RALGAPA2: variants seen among roughly 807,000 people sequenced by gnomAD.
The protein encoded by RALGAPA2 is ral GTPase-activating protein subunit alpha-2.
Under a neutral mutation model 230.4 loss-of-function variants are expected in RALGAPA2, and 139 were observed. That is an observed-to-expected ratio of 0.60 (90% confidence interval 0.53 to 0.69). The LOEUF is 0.69. RALGAPA2 is among the 30% of genes least tolerant of loss of function. The pLI is 0.00. For missense variants in RALGAPA2, 2,163 were observed against 2,276.0 expected (o/e 0.95, Z 1.01); for synonymous variants, 847 against 837.8 (o/e 1.01, Z -0.19).
At chr20:20,458,706 A>T (rs1365346536) in intron 37 of RALGAPA2, among the ~76,000 whole-genome samples, 2 of 134,654 alleles carry the variant, frequency 1.5e-5, no homozygotes, top group East Asian at 4.3e-4. Context: ...ATATATACAC[A>T]CACACACCTA....
rs1454657949 is a variant in RALGAPA2, at chr20:20,553,226, C to T, written c.3157-6394G>A. On this transcript the variant is annotated intron_variant, in intron 23 of 39. Transcript: ENST00000202677. Reference sequence around the variant, plus strand: ...GAAAGCCAGGAGAAATATTACAGGACAGAGTAATTGGGTTCTGCACCTGGA... The same window carrying T: ...GAAAGCCAGGAGAAATATTACAGGATAGAGTAATTGGGTTCTGCACCTGGA... Among the ~76,000 whole-genome samples the T allele has an allele frequency of 2.0e-5, 3 of 152,088 alleles. No homozygotes were observed. In the East Asian group the frequency reaches 5.8e-4, roughly 29 times the overall value.
intron 30 of RALGAPA2, among the ~76,000 whole-genome samples, chr20:20,522,865 G>C (rs1021155606): frequency 6.6e-6 from 1 of 152,242 alleles, no homozygotes; most frequent in Non-Finnish European, 1.5e-5. Flanking sequence ...TTACAAAAGT[G>C]ATTGTGGCTA....
intron 31 of RALGAPA2, among the ~76,000 whole-genome samples, chr20:20,518,847 A>G (rs767310673): frequency 2.0e-5 from 3 of 152,236 alleles, no homozygotes; most frequent in Non-Finnish European, 4.4e-5. Context: ...ACTTTAGGAA[A>G]AAACAAGTTA....
chr20:20,469,099 T>A (rs2123362047), intron 37 of RALGAPA2, among the ~76,000 whole-genome samples: 1 of 152,306 alleles, frequency 6.6e-6, no homozygotes, highest in Non-Finnish European at 1.5e-5. Flanking sequence ...ATTTGGAGTA[T>A]CTTCACATTT....
At chr20:20,589,690 T>C (rs1360686029) in intron 17 of RALGAPA2, among the ~76,000 whole-genome samples, 1 of 152,082 alleles carries the variant, frequency 6.6e-6, no homozygotes, top group African/African-American at 2.4e-5. Flanking sequence ...AGAGAAAAAG[T>C]GCCTGTGTTG....
intron 31 of RALGAPA2, among the ~76,000 whole-genome samples, chr20:20,520,045 CCTT>C (rs2062989948): frequency 6.6e-6 from 1 of 152,090 alleles, no homozygotes; most frequent in South Asian, 2.1e-4. Flanking sequence ...TGATGCTTGG[CCTT>C]CTTCTAATTT....
chr20:20,443,783 A>G (rs1324259621), intron 37 of RALGAPA2, among the ~76,000 whole-genome samples: 1 of 152,248 alleles, frequency 6.6e-6, no homozygotes, highest in Non-Finnish European at 1.5e-5. Flanking sequence ...TGCTTAGTAC[A>G]GTGCACAACA....
intron 33 of RALGAPA2, among the ~76,000 whole-genome samples, chr20:20,507,774 G>A (rs1401782231): frequency 2.0e-5 from 3 of 152,196 alleles, no homozygotes; most frequent in African/African-American, 7.2e-5. Context: ...CACCAATGGC[G>A]TAGAATCTAA....
Position 20,496,730 on chromosome 20 carries a change from C to A in RALGAPA2, c.5209-1455G>T, listed in dbSNP as rs188952951. Among the ~76,000 whole-genome samples, 4 of 152,292 alleles carry A rather than the reference C, an allele frequency of 2.6e-5. No homozygotes were observed. In the East Asian group the frequency reaches 7.7e-4, roughly 29 times the overall value. On this transcript the variant is annotated intron_variant, in intron 35 of 39. Coordinates refer to ENST00000202677, the MANE Select transcript of RALGAPA2 (RefSeq NM_020343.4). Reference sequence around the variant, plus strand: ...TAGCATAAATACAGTTTTCTTTAGACTATTTGACCACAAAAAGAAAATCTG... The same window carrying A: ...TAGCATAAATACAGTTTTCTTTAGAATATTTGACCACAAAAAGAAAATCTG...
intron 12 of RALGAPA2, among the ~76,000 whole-genome samples, chr20:20,616,598 T>C (rs1234775820): frequency 2.0e-5 from 3 of 152,118 alleles, no homozygotes; most frequent in Non-Finnish European, 4.4e-5. Context: ...AGAGGATAGA[T>C]GGCCAGACAG....
intron 24 of RALGAPA2, among the ~76,000 whole-genome samples, chr20:20,545,160 T>A (rs1337321538): frequency 1.3e-5 from 2 of 152,236 alleles, no homozygotes; most frequent in African/African-American, 4.8e-5. Context: ...TAATGAAGTA[T>A]GAAAAGTTGT....
chr20:20,494,133 CTTTCTAT>C (rs2062139318), intron 36 of RALGAPA2, among the ~76,000 whole-genome samples: 1 of 152,192 alleles, frequency 6.6e-6, no homozygotes. Flanking sequence ...GTTTGAAGCA[CTTTCTAT>C]TTATTAGCTC....
chr20:20,607,896 C>G (rs1474066006), intron 14 of RALGAPA2, among the ~76,000 whole-genome samples: 3 of 152,172 alleles, frequency 2.0e-5, no homozygotes, highest in African/African-American at 7.2e-5. Context: ...AACACGTGCA[C>G]AGAGCAAAAT....
In RALGAPA2 at chr20:20,643,858, C is replaced by T. The variant is rs578127942; in HGVS notation, c.329-309G>A. Among the ~76,000 whole-genome samples the T allele has an allele frequency of 2.0e-5, 3 of 151,604 alleles. No homozygotes were observed. The South Asian group carries it at 6.2e-4, about 32-fold the overall frequency. Reference sequence around the variant, plus strand: ...TAAAATGGATGCTTTTTTTTTTAATCTCTAAAGGTAAAAATAATGTAAAAC... The same window carrying T: ...TAAAATGGATGCTTTTTTTTTTAATTTCTAAAGGTAAAAATAATGTAAAAC... On this transcript the variant is annotated intron_variant, in intron 4 of 39. Transcript: ENST00000202677.
chr20:20,402,337 G>C (rs1348008546), intron 38 of RALGAPA2, among the ~76,000 whole-genome samples: 1 of 152,212 alleles, frequency 6.6e-6, no homozygotes, highest in Non-Finnish European at 1.5e-5. Flanking sequence ...AAAAAAGCTA[G>C]GGAGCCTTGC....
intron 23 of RALGAPA2, among the ~76,000 whole-genome samples, chr20:20,565,867 G>C (rs529553560): frequency 3.9e-5 from 6 of 152,350 alleles, no homozygotes; most frequent in Admixed American, 3.3e-4. Flanking sequence ...GTTACTGGCT[G>C]AGCCAGGGTC....
At chr20:20,628,590 G>T (rs139091383) in intron 10 of RALGAPA2, among the ~76,000 whole-genome samples, 2,219 of 152,244 alleles carry the variant, frequency 0.015, 27 homozygotes, top group Non-Finnish European at 0.021. Context: ...TTGTCATGGT[G>T]GGGGTGGGGG....
chr20:20,648,050 A>T (rs756693895), intron 4 of RALGAPA2, among the ~76,000 whole-genome samples: 1 of 152,218 alleles, frequency 6.6e-6, no homozygotes, highest in Non-Finnish European at 1.5e-5. Flanking sequence ...TAGTAGCTTT[A>T]CTTATAATAG....
At chr20:20,519,475 C>G (rs1227400948) in intron 31 of RALGAPA2, among the ~76,000 whole-genome samples, 1 of 152,230 alleles carries the variant, frequency 6.6e-6, no homozygotes, top group Admixed American at 6.5e-5. Flanking sequence ...AGGAGTCTGA[C>G]TCAGGGATCT....
Sources: gnomAD v4.1 joint callset for allele counts (sites outside exome capture counted in the v4.1 genomes callset) on GRCh38, gnomAD v4.1.1 for gene constraint, MANE v1.5 for transcripts, NCBI Gene and HGNC (gene_info 2026-07-23, HGNC 2026-07-21) for gene names.